MTERF3: variants seen among roughly 807,000 people sequenced by gnomAD.
MTERF3 encodes transcription termination factor 3, mitochondrial.
MTERF3 carries 40 observed loss-of-function variants against 40.5 expected under a neutral mutation model. The ratio of observed to expected loss-of-function variants is 0.99; its 90% CI spans 0.77 to 1.29. MTERF3 has a LOEUF of 1.29. MTERF3 is among the 50% of genes most tolerant of loss of function. MTERF3 has a pLI of 0.00. For missense variants in MTERF3, 452 were observed against 478.2 expected (o/e 0.95, Z 0.51); for synonymous variants, 158 against 166.6 (o/e 0.95, Z 0.40).
At position 96,239,560 on chromosome 8, in the gene MTERF3, A is replaced by C. The variant is rs1809881041; in HGVS notation, c.1185T>G (p.Asp395Glu). 2 of 1,612,830 alleles carry C rather than the reference A, an allele frequency of 1.2e-6. No homozygotes were observed. The highest frequency in any genetic ancestry group is 2.7e-5 in the African/African-American group (2 of 74,824). The change falls in exon 8 of 8, where the codon GAT becomes GAG. Residue 395 changes from aspartate (D) to glutamate (E), a missense_variant. Asp to Glu is a conservative substitution (Grantham distance 45, BLOSUM62 2). Coordinates refer to ENST00000287025, the MANE Select transcript of MTERF3 (RefSeq NM_015942.5). ...ISLDKLVSIP[D>E]EIFCEEIAKA... Reference sequence around the variant, plus strand: ...TGGCAATCTCTTCACAAAATATTTCATCAGGAATAGATACTAGTTTGTCCA... The same window carrying C: ...TGGCAATCTCTTCACAAAATATTTCCTCAGGAATAGATACTAGTTTGTCCA...
chr8:96,260,785 T>G (rs538087538), intron 1 of MTERF3, among the ~76,000 whole-genome samples: 11 of 152,326 alleles, frequency 7.2e-5, no homozygotes, highest in African/African-American at 2.6e-4. Context: ...AACAATTGAT[T>G]AACTGTTCAT....
chr8:96,249,462 C>A (rs1287146651), intron 4 of MTERF3, among the ~76,000 whole-genome samples: 1 of 152,188 alleles, frequency 6.6e-6, no homozygotes, highest in African/African-American at 2.4e-5. Flanking sequence ...TCTCTCCCTT[C>A]TGTATTGTGA....
Position 96,244,196 on chromosome 8 carries a change from A to T in MTERF3, c.898-116T>A, listed in dbSNP as rs913288618. On this transcript the variant is annotated intron_variant, in intron 6 of 7. Transcript: ENST00000287025. The stretch of plus-strand genomic sequence containing the variant: ...GATGGAGCTCGCTATGTTGCCCAGG[A>T]TGGAGTGCAGTGGCATGATCTCCTG... 17 of 800,806 alleles carry T rather than the reference A, an allele frequency of 2.1e-5. No homozygotes were observed. The African/African-American group carries it at 2.8e-4, about 13-fold the overall frequency. The allele number at this position is 800,806 out of a possible 1,614,324, so 49.6% of individuals were successfully genotyped here. A position where few individuals can be genotyped will look rare whatever the true frequency, so the allele number is the denominator to read the frequency against.
At chr8:96,253,471 C>A (rs1313885474) in intron 3 of MTERF3, among the ~76,000 whole-genome samples, 19 of 152,150 alleles carry the variant, frequency 1.2e-4, no homozygotes, top group Non-Finnish European at 1.5e-5. Context: ...GGCATAGGAG[C>A]CCTGGTGCAT....
chr8:96,244,040 T>G lies in MTERF3; in HGVS notation c.938A>C (p.Gln313Pro). The change falls in exon 7 of 8, where the codon CAA (glutamine) becomes CCA (proline). Residue 313 changes from glutamine (Q) to proline (P), a missense_variant. Coordinates refer to ENST00000287025, the MANE Select transcript of MTERF3 (RefSeq NM_015942.5). ...CTTTGGGATTCTGGTGATCATATGT[T>G]GAATTTCGTTATGTTTAAAACCAAG... ...LELGFKHNEIQHMITRIPKML... is the reference protein window; with the variant it reads ...LELGFKHNEIPHMITRIPKML... 6.2e-7 allele frequency: 1 copy of G among 1,613,760 alleles called. No homozygotes were observed. Among genetic ancestry groups the G allele is most frequent in the East Asian group, 2.2e-5 (1 of 44,882 alleles).
At chr8:96,254,995 A>G (rs1168918306) in intron 3 of MTERF3, among the ~76,000 whole-genome samples, 1 of 152,238 alleles carries the variant, frequency 6.6e-6, no homozygotes, top group Non-Finnish European at 1.5e-5. Flanking sequence ...GGAGTTGGCT[A>G]AACAAAGGAG....
At chr8:96,251,364 G>T (rs1010279044) in intron 3 of MTERF3, among the ~76,000 whole-genome samples, 2 of 152,156 alleles carry the variant, frequency 1.3e-5, no homozygotes, top group East Asian at 1.9e-4. Context: ...TTGGTGTAGG[G>T]TCATCATCTT....
Position 96,258,359 on chromosome 8 carries a change from T to C in MTERF3, c.332A>G (p.Glu111Gly), listed in dbSNP as rs763207796. Residue 111 changes from glutamate to glycine, a missense_variant and splice_region_variant, in exon 2 of 8, where the codon GAA (glutamate) becomes GGA (glycine). Coordinates refer to ENST00000287025, the MANE Select transcript of MTERF3 (RefSeq NM_015942.5). ...ISSFDSELFLEELDELPPLSP... is the reference protein window; with the variant it reads ...ISSFDSELFLGELDELPPLSP... The stretch of plus-strand genomic sequence containing the variant: ...CTTTTCTGAAAGTTCAGAATTACCT[T>C]CTAGAAACAGCTCAGAATCAAAGCT... The C allele has an allele frequency of 1.9e-6, 3 of 1,605,340 alleles. No homozygotes were observed. In the East Asian group the frequency reaches 6.7e-5, roughly 36 times the overall value.
rs755960816 is a variant in MTERF3 at position 96,244,109 on chromosome 8, G to A, written c.898-29C>T. ...AAAGAAAGTAAATTTGCTATGAATC[G>A]TTATGTAGAAATAGTTATTTTGGTA... On this transcript the variant is annotated intron_variant, in intron 6 of 7. Transcript: ENST00000287025. 17 of 1,585,286 alleles carry A rather than the reference G, an allele frequency of 1.1e-5. No individual in the cohort carries two copies. In the East Asian group the frequency reaches 1.8e-4, roughly 17 times the overall value.
intron 4 of MTERF3, among the ~76,000 whole-genome samples, chr8:96,247,135 G>A (rs910015929): frequency 6.6e-6 from 1 of 151,996 alleles, no homozygotes; most frequent in African/African-American, 2.4e-5. Context: ...ACTAGACCCA[G>A]CTAATTTTTG....
chr8:96,258,675 G>A lies in MTERF3; in HGVS notation c.16C>T (p.Gln6Ter), dbSNP rs780884393. 30 of 1,599,348 alleles carry A rather than the reference G, an allele frequency of 1.9e-5. No homozygotes were observed. Among genetic ancestry groups the A allele is most frequent in the Non-Finnish European group, 2.5e-5 (29 of 1,170,262 alleles). The change falls in exon 2 of 8, where the codon CAA becomes TAA. Residue 6 changes from glutamine to a stop codon, truncating the protein, a stop_gained. Coordinates refer to ENST00000287025, the MANE Select transcript of MTERF3 (RefSeq NM_015942.5). LOFTEE classifies it high-confidence loss of function. ...GAGTTAAACCATCTGGGTATCTGTTGGGCTGACAAAGCCATTTTTCTTAGT... is the reference window on the plus strand; with the variant it reads ...GAGTTAAACCATCTGGGTATCTGTTAGGCTGACAAAGCCATTTTTCTTAGT... MALSA[Q>*]QIPRWFNSVK...
intron 3 of MTERF3, among the ~76,000 whole-genome samples, chr8:96,252,315 T>C (rs531950651): frequency 7.9e-5 from 12 of 152,332 alleles, no homozygotes; most frequent in South Asian, 4.1e-4. Flanking sequence ...ATCAAATAGA[T>C]AGACTATTTG....
intron 1 of MTERF3, among the ~76,000 whole-genome samples, chr8:96,259,911 TTA>T: frequency 2.0e-5 from 3 of 148,640 alleles, no homozygotes; most frequent in South Asian, 2.1e-4. Flanking sequence ...ATTATTATTA[TTA>T]TTTTTTTTGA....
intron 1 of MTERF3, 111 bp from the exon 2 acceptor site, chr8:96,258,811 G>C: frequency 1.2e-6 from 1 of 829,908 alleles, no homozygotes; most frequent in Non-Finnish European, 1.8e-6. Flanking sequence ...TTTTCTAATT[G>C]AAAGGTGTTT....
intron 7 of MTERF3, among the ~76,000 whole-genome samples, chr8:96,242,278 G>A (rs1318097083): frequency 6.6e-6 from 1 of 152,272 alleles, no homozygotes; most frequent in East Asian, 1.9e-4. Context: ...TTCTACAACA[G>A]AGCTTCTCTG....
chr8:96,261,568 C>T lies in MTERF3; in HGVS notation c.-78G>A, dbSNP rs370918598. 1 of 155,008 alleles carries T rather than the reference C, an allele frequency of 6.5e-6. No homozygotes were observed. Among genetic ancestry groups the T allele is most frequent in the Non-Finnish European group, 1.4e-5 (1 of 69,832 alleles). The allele number at this position is 155,008 out of a possible 1,614,324, so 9.6% of individuals were successfully genotyped here. On this transcript the variant is annotated 5_prime_UTR_variant, in exon 1 of 8. Transcript: ENST00000287025. ...GACCAACTCGCTGGGCCGCACGTCCCGTCCCGCCGCGCCGCACGCCGGCTC... is the reference window on the plus strand; with the variant it reads ...GACCAACTCGCTGGGCCGCACGTCCTGTCCCGCCGCGCCGCACGCCGGCTC...
chr8:96,244,147 T>G, intron 6 of MTERF3, 67 bp from the exon 7 acceptor site: 1 of 1,401,930 alleles, frequency 7.1e-7, no homozygotes, highest in Non-Finnish European at 9.7e-7. Context: ...ATGGCAAGGC[T>G]GCACTGATTT....
intron 2 of MTERF3, 116 bp from the exon 3 acceptor site, chr8:96,257,230 G>T: frequency 9.1e-7 from 1 of 1,093,090 alleles, no homozygotes; most frequent in East Asian, 2.6e-5. Context: ...GATCATTTTA[G>T]AATTAAACAT....
intron 6 of MTERF3, among the ~76,000 whole-genome samples, chr8:96,244,846 C>T (rs1809994167): frequency 6.6e-6 from 1 of 152,192 alleles, no homozygotes; most frequent in South Asian, 2.1e-4. Flanking sequence ...TCATGAAGCT[C>T]ACCAAAGGGG....
Sources: gnomAD v4.1 joint callset for allele counts (sites outside exome capture counted in the v4.1 genomes callset) on GRCh38, gnomAD v4.1.1 for gene constraint, MANE v1.5 for transcripts, NCBI Gene and HGNC (gene_info 2026-07-23, HGNC 2026-07-21) for gene names.